The following TENM4 variants were observed in gnomAD, a reference collection of about 807,000 sequenced individuals.
TENM4 encodes the protein teneurin-4.
TENM4 carries 82 observed loss-of-function variants against 243.3 expected under a neutral mutation model. That is an observed-to-expected ratio of 0.34 (90% confidence interval 0.28 to 0.40). The LOEUF is 0.40. TENM4 is among the 10% of genes least tolerant of loss of function. The pLI, the probability that TENM4 is intolerant of heterozygous loss-of-function variation, is 1.00. For synonymous variants in TENM4, 1,412 were observed against 1,456.3 expected, an observed-to-expected ratio of 0.97 and a Z score of 0.69; for missense variants, 3,138 against 3,673.3, an observed-to-expected ratio of 0.85 and a Z score of 3.77.
chr11:78,928,620 A>G (rs1277629763), intron 6 of TENM4, among the ~76,000 whole-genome samples: 3 of 152,200 alleles, frequency 2.0e-5, no homozygotes, highest in Admixed American at 6.5e-5. Flanking sequence ...CAACTCTTCC[A>G]TTTGCTAGCT....
chr11:78,691,006 T>C (rs1273325831), intron 28 of TENM4, among the ~76,000 whole-genome samples: 1 of 152,188 alleles, frequency 6.6e-6, no homozygotes, highest in Admixed American at 6.5e-5. Flanking sequence ...AATTGATAGA[T>C]TGTTAATTAG....
At chr11:79,171,535 C>T (rs757890968) in intron 3 of TENM4, among the ~76,000 whole-genome samples, 1 of 152,096 alleles carries the variant, frequency 6.6e-6, no homozygotes, top group Non-Finnish European at 1.5e-5. Flanking sequence ...ATAGAGAGTC[C>T]CCATAGACTG....
At chr11:79,183,479 T>A (rs1863323262) in intron 3 of TENM4, among the ~76,000 whole-genome samples, 1 of 152,184 alleles carries the variant, frequency 6.6e-6, no homozygotes. Context: ...ATACATGACA[T>A]TATATACATT....
rs1008127289 is a variant in TENM4 at position 79,321,881 on chromosome 11, T to A, written c.-320-24338A>T. ...GACTGTTTGGCCTGTCCCTGTGCAT[T>A]GTGGGAATATCAAGCTACTTGGAAG... On this transcript the variant is annotated intron_variant, in intron 1 of 33. Transcript: ENST00000278550. 2.0e-5 allele frequency among the ~76,000 whole-genome samples: 3 copies of A among 152,248 alleles called. No homozygotes were observed. The South Asian group carries it at 6.2e-4, about 32-fold the overall frequency.
At chr11:79,151,375 A>G (rs1371371682) in intron 3 of TENM4, among the ~76,000 whole-genome samples, 1 of 152,214 alleles carries the variant, frequency 6.6e-6, no homozygotes, top group East Asian at 1.9e-4. Context: ...ATAGTAGAAG[A>G]TTGCTTATCT....
chr11:78,724,819 C>A (rs2135852488), intron 23 of TENM4, among the ~76,000 whole-genome samples: 1 of 152,352 alleles, frequency 6.6e-6, no homozygotes, highest in South Asian at 2.1e-4. Context: ...ATGCAAGGGA[C>A]TTGCTCTTCA....
At chr11:78,939,130 C>A (rs1342564620) in intron 6 of TENM4, among the ~76,000 whole-genome samples, 1 of 152,198 alleles carries the variant, frequency 6.6e-6, no homozygotes, top group Non-Finnish European at 1.5e-5. Context: ...TCTGTGGCCT[C>A]CCGTTGTTTC....
intron 6 of TENM4, chr11:78,924,583 T>C (rs919344511): frequency 3.9e-5 from 6 of 152,180 alleles, no homozygotes; most frequent in Non-Finnish European, 8.8e-5. Flanking sequence ...TAGACTGTAG[T>C]GAGTGTCAAA....
At chr11:79,080,060 T>C (rs141375155) in intron 4 of TENM4, among the ~76,000 whole-genome samples, 35 of 152,278 alleles carry the variant, frequency 2.3e-4, no homozygotes, top group Admixed American at 8.5e-4. Context: ...TCTCAGGAAA[T>C]AAGCCTAATG....
intron 1 of TENM4, among the ~76,000 whole-genome samples, chr11:79,373,979 G>T (rs1229699989): frequency 6.6e-6 from 1 of 152,168 alleles, no homozygotes; most frequent in Non-Finnish European, 1.5e-5. Context: ...CCAAGGCTGG[G>T]GCAGGAAAGC....
At chr11:79,354,036 G>A (rs1857458117) in intron 1 of TENM4, among the ~76,000 whole-genome samples, 1 of 152,228 alleles carries the variant, frequency 6.6e-6, no homozygotes, top group Non-Finnish European at 1.5e-5. Context: ...CTTTTCATCT[G>A]CAGAGGCTAA....
intron 4 of TENM4, among the ~76,000 whole-genome samples, chr11:79,094,081 T>C (rs910483315): frequency 1.3e-5 from 2 of 152,220 alleles, no homozygotes; most frequent in African/African-American, 2.4e-5. Flanking sequence ...ATCTCCATCA[T>C]GGCGGAAGGT....
rs1333620897 is a variant in TENM4 at position 78,969,465 on chromosome 11, A to G, written c.494-65942T>C. On this transcript the variant is annotated intron_variant, in intron 6 of 33. Transcript: ENST00000278550. ...GAACATTCAACCATTCTGGATTCTT[A>G]GTGTATCTTTGGAATATACCACGAG... Among the ~76,000 whole-genome samples the G allele has an allele frequency of 2.0e-5, 3 of 152,222 alleles. No homozygotes were observed. The East Asian group carries it at 5.8e-4, about 29-fold the overall frequency.
intron 12 of TENM4, among the ~76,000 whole-genome samples, chr11:78,824,798 G>T (rs1460532534): frequency 6.6e-6 from 1 of 152,106 alleles, no homozygotes; most frequent in African/African-American, 2.4e-5. Context: ...GCCACCAGGG[G>T]ATTACATTTC....
In TENM4 at chr11:79,028,006, G is replaced by A. The variant is rs190544069; in HGVS notation, c.493+36732C>T. Among the ~76,000 whole-genome samples the A allele has an allele frequency of 2.2e-4, 33 of 152,264 alleles. 1 individual carries two copies. The East Asian group carries it at 6.4e-3, about 29-fold the overall frequency. On this transcript the variant is annotated intron_variant, in intron 6 of 33. Transcript: ENST00000278550. ...CATGGAAGAACCTCAAATAAACCCT[G>A]AGAAGCCATAGATTGTAGTGGTTAA...
At chr11:79,241,468 C>T (rs567039283) in intron 2 of TENM4, among the ~76,000 whole-genome samples, 310 of 152,076 alleles carry the variant, frequency 2.0e-3, no homozygotes, top group African/African-American at 7.0e-3. Flanking sequence ...GAGGGGACCC[C>T]GATGAGACCA....
At chr11:79,196,262 T>G (rs1863625385) in intron 3 of TENM4, among the ~76,000 whole-genome samples, 2 of 152,052 alleles carry the variant, frequency 1.3e-5, no homozygotes, top group South Asian at 2.1e-4. Flanking sequence ...AGCACCAACC[T>G]GAGCCCAACA....
chr11:79,090,831 CT>C (rs1860928268), intron 4 of TENM4, among the ~76,000 whole-genome samples: 1 of 152,216 alleles, frequency 6.6e-6, no homozygotes, highest in African/African-American at 2.4e-5. Context: ...GGGCATGAGG[CT>C]GCCAAGATGG....
chr11:79,144,590 A>G (rs1183636360), intron 4 of TENM4, among the ~76,000 whole-genome samples: 1 of 152,258 alleles, frequency 6.6e-6, no homozygotes, highest in East Asian at 1.9e-4. Flanking sequence ...ATGGAGTAAT[A>G]TTCAGCCATA....
Sources: allele counts gnomAD v4.1 joint callset (sites outside exome capture counted in the v4.1 genomes callset), GRCh38; gene constraint gnomAD v4.1.1; transcripts MANE v1.5; gene names NCBI Gene and HGNC (gene_info 2026-07-23, HGNC 2026-07-21).